Variants in STIMATE observed in about 807,000 individuals in gnomAD.
STIMATE encodes the protein store-operated calcium entry regulator STIMATE.
A neutral mutation model predicts 36.7 loss-of-function variants in STIMATE; 15 were observed. That is an observed-to-expected ratio of 0.41 (90% CI 0.27 to 0.63). The LOEUF is 0.63. Among genes scored for constraint, STIMATE ranks in the 20% least tolerant of loss-of-function variants. The pLI is 0.32. For synonymous variants in STIMATE, 163 were observed against 162.3 expected, an observed-to-expected ratio of 1.00 and a Z score of -0.03; for missense variants, 305 against 397.3, an observed-to-expected ratio of 0.77 and a Z score of 1.98.
chr3:52,896,619 T>G (rs996906935), intron 1 of STIMATE, among the ~76,000 whole-genome samples: 1 of 152,002 alleles, frequency 6.6e-6, no homozygotes, highest in Non-Finnish European at 1.5e-5. Context: ...ATGCGGCTTA[T>G]TAGGAAAGCT....
chr3:52,865,551 C>A (rs1224992296), intron 1 of STIMATE, among the ~76,000 whole-genome samples: 2 of 152,152 alleles, frequency 1.3e-5, no homozygotes, highest in African/African-American at 4.8e-5. Context: ...GAGGAAAATG[C>A]AAAAGCAGAA....
chr3:52,893,178 G>T (rs992065025), intron 1 of STIMATE, among the ~76,000 whole-genome samples: 5 of 152,122 alleles, frequency 3.3e-5, no homozygotes, highest in African/African-American at 1.2e-4. Flanking sequence ...AGCTATAAAA[G>T]ACTTGTGACA....
chr3:52,863,941 T>TTTGCTGG (rs1701260297), intron 1 of STIMATE, among the ~76,000 whole-genome samples: 1 of 152,236 alleles, frequency 6.6e-6, no homozygotes, highest in South Asian at 2.1e-4. Flanking sequence ...GCTCCACCCC[T>TTTGCTGG]GTGGCTTTGC....
chr3:52,857,819 C>T (rs1443302084), intron 1 of STIMATE, among the ~76,000 whole-genome samples: 1 of 151,652 alleles, frequency 6.6e-6, no homozygotes, highest in East Asian at 1.9e-4. Context: ...CTGAATTGTG[C>T]CCCCACCTCC....
intron 1 of STIMATE, among the ~76,000 whole-genome samples, chr3:52,886,156 T>C (rs1195461687): frequency 6.6e-6 from 1 of 152,090 alleles, no homozygotes; most frequent in Non-Finnish European, 1.5e-5. Context: ...TCAGTGAGGC[T>C]CTCAGTCAAA....
At chr3:52,872,160 T>C (rs1041583906) in intron 1 of STIMATE, among the ~76,000 whole-genome samples, 4 of 152,132 alleles carry the variant, frequency 2.6e-5, no homozygotes, top group Non-Finnish European at 4.4e-5. Flanking sequence ...GTTTTCTTCA[T>C]AGCATTAATC....
intron 1 of STIMATE, among the ~76,000 whole-genome samples, chr3:52,863,195 G>A (rs1463816071): frequency 6.6e-6 from 1 of 152,120 alleles, no homozygotes; most frequent in African/African-American, 2.4e-5. Context: ...ACATGTATTA[G>A]TCCGCTGCTG....
At chr3:52,843,604 TG>T in intron 6 of STIMATE, 116 bp downstream of exon 6, 1 of 1,465,696 alleles carries the variant, frequency 6.8e-7, no homozygotes, top group Non-Finnish European at 9.3e-7. Context: ...AGGTGGCAAA[TG>T]GTCACGCAAA....
intron 1 of STIMATE, among the ~76,000 whole-genome samples, chr3:52,877,479 G>A (rs1314772281): frequency 6.6e-6 from 1 of 152,246 alleles, no homozygotes; most frequent in Non-Finnish European, 1.5e-5. Flanking sequence ...AGCAGTAAGA[G>A]TAGGCATTGG....
At chr3:52,847,581 T>C in intron 4 of STIMATE, 2 of 1,283,928 alleles carry the variant, frequency 1.6e-6, no homozygotes, top group Non-Finnish European at 2.0e-6. Context: ...CCTAGAAAAA[T>C]AAGCCCCTCT....
chr3:52,884,278 C>A (rs1333676854), intron 1 of STIMATE, among the ~76,000 whole-genome samples: 3 of 147,612 alleles, frequency 2.0e-5, no homozygotes, highest in Non-Finnish European at 4.5e-5. Flanking sequence ...CAGAGTCTCA[C>A]TCTGTCGCCC....
chr3:52,880,209 A>G (rs901508545), intron 1 of STIMATE, among the ~76,000 whole-genome samples: 4 of 152,178 alleles, frequency 2.6e-5, no homozygotes, highest in Non-Finnish European at 5.9e-5. Context: ...CAACCAGGCA[A>G]CGGTGTGCAT....
chr3:52,872,399 G>GT (rs1169356702), intron 1 of STIMATE, among the ~76,000 whole-genome samples: 1 of 152,140 alleles, frequency 6.6e-6, no homozygotes. Flanking sequence ...AATTCAACAA[G>GT]TTTCATGAAT....
intron 1 of STIMATE, among the ~76,000 whole-genome samples, chr3:52,890,162 T>C (rs1701760182): frequency 6.6e-6 from 1 of 152,184 alleles, no homozygotes. Flanking sequence ...CTCTTCACGC[T>C]ATACTGGAAT....
intron 1 of STIMATE, among the ~76,000 whole-genome samples, chr3:52,867,688 C>T (rs1484284907): frequency 6.6e-6 from 1 of 152,218 alleles, no homozygotes; most frequent in African/African-American, 2.4e-5. Context: ...TTCCCCTGGG[C>T]AAGTGGCAAG....
chr3:52,844,844 T>C lies in STIMATE; in HGVS notation c.525A>G (p.Ile175Met). Residue 175 changes from isoleucine to methionine, a missense_variant, in exon 5 of 8, where the codon ATA (isoleucine) becomes ATG (methionine). Around this residue, in one of 3 missense-constraint regions of STIMATE, gnomAD observed 164 missense variants for 257.9 expected, o/e 0.64. Transcript: ENST00000355083. ...EKSVVFIVLL[I>M]LQWKKVALLN... ...CGAAGCAAACCTTTTTCCACTGAAGTATTAGGAGGACGATGAAGACGACAG... is the reference window on the plus strand; with the variant it reads ...CGAAGCAAACCTTTTTCCACTGAAGCATTAGGAGGACGATGAAGACGACAG... The C allele has an allele frequency of 6.2e-7, 1 of 1,613,944 alleles. No individual in the cohort carries two copies. Among genetic ancestry groups the C allele is most frequent in the Admixed American group, 1.7e-5 (1 of 60,002 alleles).
At chr3:52,886,129 T>C (rs1036093790) in intron 1 of STIMATE, among the ~76,000 whole-genome samples, 1 of 152,278 alleles carries the variant, frequency 6.6e-6, no homozygotes, top group Non-Finnish European at 1.5e-5. Context: ...CTGTCTATCA[T>C]GCCTAGAAAA....
rs1575356306 is a variant in STIMATE, at chr3:52,897,501, T to C, written c.-51A>G. On this transcript the variant is annotated 5_prime_UTR_variant, in exon 1 of 8. Coordinates refer to ENST00000355083, the MANE Select transcript of STIMATE (RefSeq NM_198563.5). ...GGGCCCAGGGCCCGCCCGGCCTCGC[T>C]GCCTGCCGGCGCAGCGCCGCCAAAC... The C allele has an allele frequency of 3.3e-6, 4 of 1,199,080 alleles. No individual in the cohort carries two copies. Among genetic ancestry groups the C allele is most frequent in the South Asian group, 4.1e-5 (1 of 24,264 alleles). The allele number at this position is 1,199,080 out of a possible 1,614,324, so 74.3% of individuals were successfully genotyped here.
intron 1 of STIMATE, among the ~76,000 whole-genome samples, chr3:52,890,543 T>G (rs1159313900): frequency 6.6e-6 from 1 of 152,174 alleles, no homozygotes; most frequent in African/African-American, 2.4e-5. Flanking sequence ...TGCCTTGCAA[T>G]GCACAGGAGA....
Sources: allele counts gnomAD v4.1 joint callset (sites outside exome capture counted in the v4.1 genomes callset), GRCh38; gene constraint gnomAD v4.1.1; regional missense constraint gnomAD v4.1.1; transcripts MANE v1.5; gene names NCBI Gene and HGNC (gene_info 2026-07-23, HGNC 2026-07-21).